Variants in RSF1 observed in about 807,000 individuals in gnomAD.
RSF1 encodes the protein HBV pX-associated protein 8.
RSF1 carries 13 observed loss-of-function variants against 145.2 expected under a neutral mutation model. That is an observed-to-expected ratio of 0.09 (90% CI 0.06 to 0.14). The LOEUF (loss-of-function observed/expected upper bound fraction) is 0.14, where lower values mean the gene tolerates loss of function less well. Ranked by LOEUF, RSF1 falls within the 10% of genes least tolerant of loss-of-function variation. RSF1 has a pLI of 1.00. For missense variants in RSF1, 1,517 were observed against 1,718.2 expected, an observed-to-expected ratio of 0.88 and a Z score of 2.07; for synonymous variants, 577 against 592.6, an observed-to-expected ratio of 0.97 and a Z score of 0.38.
intron 8 of RSF1, among the ~76,000 whole-genome samples, chr11:77,693,285 T>A (rs1960202468): frequency 6.6e-6 from 1 of 152,188 alleles, no homozygotes; most frequent in Non-Finnish European, 1.5e-5. Context: ...AAAAAAATCA[T>A]TCATAATTTT....
rs1959250216 is a variant in RSF1, at chr11:77,662,380, T to G, written c.*4537A>C. On this transcript the variant is annotated 3_prime_UTR_variant, in exon 16 of 16. Transcript: ENST00000308488. ...AAATTGGATCCTCTTCTAATCGACT[T>G]CCAGGAGGGTTTGCATGAATGAATA... 1 of 152,064 alleles carries G rather than the reference T, an allele frequency of 6.6e-6. No individual in the cohort carries two copies. Among genetic ancestry groups the G allele is most frequent in the Non-Finnish European group, 1.5e-5 (1 of 67,974 alleles). 9.4% of individuals were successfully genotyped at this position (152,064 alleles called of 1,614,324 possible).
chr11:77,828,564 G>A, the RSF1 span, among the ~76,000 whole-genome samples: 10 of 151,736 alleles, frequency 6.6e-5, no homozygotes, highest in African/African-American at 1.2e-4. Flanking sequence ...CCAGCTACTC[G>A]GGAGGCTGCG....
chr11:77,668,810 C>T (rs959930667), intron 15 of RSF1, among the ~76,000 whole-genome samples: 2 of 152,042 alleles, frequency 1.3e-5, no homozygotes, highest in Admixed American at 6.6e-5. Context: ...TTGATATCTG[C>T]GGGGATCCTG....
At chr11:77,852,787 C>A in the RSF1 span, among the ~76,000 whole-genome samples, 1 of 151,884 alleles carries the variant, frequency 6.6e-6, no homozygotes, top group Non-Finnish European at 1.5e-5. Context: ...ATTTTCCATA[C>A]GCAAAAGGTA....
chr11:77,731,173 T>C (rs1003572086), intron 4 of RSF1, among the ~76,000 whole-genome samples: 4 of 152,160 alleles, frequency 2.6e-5, no homozygotes, highest in African/African-American at 9.7e-5. Context: ...AGTCTCAGAA[T>C]GAGATGAGGA....
At chr11:77,671,942 TGA>T in intron 15 of RSF1, 98 bp downstream of exon 15, 2 of 1,137,036 alleles carry the variant, frequency 1.8e-6, no homozygotes. Flanking sequence ...CCTGGTTATA[TGA>T]GTTTCAAAGA....
intron 4 of RSF1, 21 bp from the exon 5 acceptor site, chr11:77,725,720 G>C: frequency 1.9e-6 from 3 of 1,544,108 alleles, no homozygotes; most frequent in Non-Finnish European, 2.6e-6. Flanking sequence ...AAAAAAATAA[G>C]ACAGCATAAA....
chr11:77,752,032 A>G (rs1192409260), intron 2 of RSF1, among the ~76,000 whole-genome samples: 2 of 152,238 alleles, frequency 1.3e-5, no homozygotes, highest in Non-Finnish European at 2.9e-5. Flanking sequence ...AGGAGCTCAG[A>G]TACCATGGTG....
At chr11:77,683,891 T>G in intron 10 of RSF1, 72 bp from the exon 11 acceptor site, 1 of 1,146,160 alleles carries the variant, frequency 8.7e-7, no homozygotes, top group Non-Finnish European at 1.3e-6. Context: ...TAAACAGTTT[T>G]GTAATCTCCA....
chr11:77,837,123 TTTTG>T, the RSF1 span, among the ~76,000 whole-genome samples: 11 of 152,334 alleles, frequency 7.2e-5, no homozygotes, highest in South Asian at 2.1e-4. Context: ...TGTTTGAGTT[TTTTG>T]TTTGTTTGTT....
At chr11:77,709,728 C>G (rs553096099) in intron 5 of RSF1, among the ~76,000 whole-genome samples, 120 of 151,834 alleles carry the variant, frequency 7.9e-4, no homozygotes, top group African/African-American at 2.7e-3. Flanking sequence ...TTTTTAGAGA[C>G]AATGTCTTGC....
intron 11 of RSF1, among the ~76,000 whole-genome samples, chr11:77,680,556 G>C (rs1440155066): frequency 6.6e-6 from 1 of 152,170 alleles, no homozygotes; most frequent in Non-Finnish European, 1.5e-5. Context: ...TGGGAGTCCA[G>C]TCTAGGCAAC....
At chr11:77,682,898 G>T (rs1959901620) in intron 11 of RSF1, among the ~76,000 whole-genome samples, 2 of 152,234 alleles carry the variant, frequency 1.3e-5, no homozygotes, top group Non-Finnish European at 2.9e-5. Flanking sequence ...ACTAAAAGGC[G>T]ATGCAGCAAA....
At chr11:77,678,646 C>T (rs1959777521) in intron 11 of RSF1, among the ~76,000 whole-genome samples, 1 of 152,048 alleles carries the variant, frequency 6.6e-6, no homozygotes, top group Non-Finnish European at 1.5e-5. Context: ...TTGGCAGAGC[C>T]CTCATGTATA....
chr11:77,744,467 T>C (rs1358425324), intron 3 of RSF1, among the ~76,000 whole-genome samples: 3 of 152,130 alleles, frequency 2.0e-5, no homozygotes, highest in Non-Finnish European at 4.4e-5. Flanking sequence ...CCCAGCTAGC[T>C]AGCTTTTTAA....
chr11:77,742,925 G>A (rs1400814650), intron 3 of RSF1, among the ~76,000 whole-genome samples: 3 of 152,170 alleles, frequency 2.0e-5, no homozygotes, highest in Non-Finnish European at 2.9e-5. Flanking sequence ...TGTGTATGGT[G>A]TAAGATAAGG....
intron 5 of RSF1, among the ~76,000 whole-genome samples, chr11:77,708,740 G>A (rs1053878523): frequency 1.3e-5 from 2 of 152,112 alleles, no homozygotes; most frequent in Non-Finnish European, 2.9e-5. Flanking sequence ...CTGCACAATT[G>A]GCATGTCTCT....
chr11:77,816,682 C>A (rs1326084673), intron 1 of RSF1, among the ~76,000 whole-genome samples: 1 of 152,152 alleles, frequency 6.6e-6, no homozygotes, highest in Non-Finnish European at 1.5e-5. Flanking sequence ...AAGAAATATT[C>A]TCTGCAGGAG....
At chr11:77,699,221 T>C (rs1399229913) in intron 6 of RSF1, among the ~76,000 whole-genome samples, 1 of 152,202 alleles carries the variant, frequency 6.6e-6, no homozygotes, top group Non-Finnish European at 1.5e-5. Context: ...GTATTAGAGA[T>C]AAATTTTAAA....
Sources: gnomAD v4.1 joint callset for allele counts (sites outside exome capture counted in the v4.1 genomes callset) on GRCh38, gnomAD v4.1.1 for gene constraint, MANE v1.5 for transcripts, NCBI Gene and HGNC (gene_info 2026-07-23, HGNC 2026-07-21) for gene names.